RIC1: variants seen among roughly 807,000 people sequenced by gnomAD.
The protein encoded by RIC1 is RIC1 partner of RAB6A GEF complex.
A neutral mutation model predicts 169.0 loss-of-function variants in RIC1; 88 were observed. That is an observed-to-expected ratio of 0.52 (90% CI 0.44 to 0.62). RIC1 has a LOEUF of 0.62. Ranked by LOEUF, RIC1 falls within the 20% of genes least tolerant of loss-of-function variation. The pLI is 0.00. For missense variants in RIC1, 1,877 were observed against 1,725.5 expected (o/e 1.09, Z -1.56); for synonymous variants, 790 against 601.5 (o/e 1.31, Z -4.59).
At chr9:5,761,105 T>G (rs1047917713) in intron 17 of RIC1, among the ~76,000 whole-genome samples, 1 of 54,954 alleles carries the variant, frequency 1.8e-5, no homozygotes, top group South Asian at 1.0e-3. Context: ...CAGCCTCACC[T>G]TTTTTTTTTT....
intron 1 of RIC1, among the ~76,000 whole-genome samples, chr9:5,643,507 CA>C (rs1007783837): frequency 6.7e-6 from 1 of 150,238 alleles, no homozygotes; most frequent in South Asian, 2.1e-4. Flanking sequence ...AACCCTTTCT[CA>C]AAAAAAAAGT....
At chr9:5,689,271 T>G (rs1315486251) in intron 2 of RIC1, among the ~76,000 whole-genome samples, 1 of 152,036 alleles carries the variant, frequency 6.6e-6, no homozygotes, top group Non-Finnish European at 1.5e-5. Context: ...CAGAATGGTC[T>G]TGATCTCCTG....
At chr9:5,654,846 C>A (rs914591659) in intron 1 of RIC1, among the ~76,000 whole-genome samples, 1 of 152,168 alleles carries the variant, frequency 6.6e-6, no homozygotes, top group Non-Finnish European at 1.5e-5. Flanking sequence ...AGCTACTGCG[C>A]CTGGCCTGCA....
chr9:5,752,903 G>T (rs1007073064), intron 12 of RIC1, among the ~76,000 whole-genome samples: 1 of 152,102 alleles, frequency 6.6e-6, no homozygotes, highest in Admixed American at 6.5e-5. Context: ...GCCCTCACAG[G>T]TGCCTTCTCT....
chr9:5,639,915 C>T (rs981666754), intron 1 of RIC1, among the ~76,000 whole-genome samples: 1 of 152,146 alleles, frequency 6.6e-6, no homozygotes, highest in Non-Finnish European at 1.5e-5. Flanking sequence ...TTTCCATTGG[C>T]ATGTAATATC....
At chr9:5,736,869 G>GCTA (rs1257643532) in intron 7 of RIC1, among the ~76,000 whole-genome samples, 3 of 151,926 alleles carry the variant, frequency 2.0e-5, no homozygotes, top group African/African-American at 7.3e-5. Context: ...CTTTAAGGAG[G>GCTA]CTACTATTGC....
intron 2 of RIC1, among the ~76,000 whole-genome samples, chr9:5,688,373 T>C (rs1245950963): frequency 6.6e-6 from 1 of 152,174 alleles, no homozygotes; most frequent in African/African-American, 2.4e-5. Flanking sequence ...TTCTTATCTC[T>C]CAAGGATGAC....
At chr9:5,767,287 T>C (rs891573479) in intron 21 of RIC1, among the ~76,000 whole-genome samples, 1 of 152,242 alleles carries the variant, frequency 6.6e-6, no homozygotes, top group African/African-American at 2.4e-5. Context: ...AATTGTATGC[T>C]GGAGACTGAA....
At chr9:5,686,341 G>A (rs1298908859) in intron 2 of RIC1, among the ~76,000 whole-genome samples, 4 of 151,986 alleles carry the variant, frequency 2.6e-5, no homozygotes, top group African/African-American at 9.7e-5. Flanking sequence ...TGTTTATTGT[G>A]GCACTATTCA....
chr9:5,749,688 T>C (rs1301696681), intron 12 of RIC1, among the ~76,000 whole-genome samples: 12 of 151,732 alleles, frequency 7.9e-5, no homozygotes, highest in Admixed American at 4.6e-4. Context: ...ATGTTACTTA[T>C]GATTTTTCTT....
At chr9:5,656,391 A>G (rs1478380709) in intron 1 of RIC1, among the ~76,000 whole-genome samples, 192 bp from the exon 2 acceptor site, 2 of 152,148 alleles carry the variant, frequency 1.3e-5, no homozygotes, top group Admixed American at 6.6e-5. Context: ...TTCTTTAATA[A>G]TACAGGCGTA....
At chr9:5,704,906 A>C (rs191321281) in intron 3 of RIC1, among the ~76,000 whole-genome samples, 1 of 152,302 alleles carries the variant, frequency 6.6e-6, no homozygotes, top group Admixed American at 6.5e-5. Flanking sequence ...CAGTTGTCTT[A>C]GTACAGAGAA....
chr9:5,676,234 T>C (rs1820433248), intron 2 of RIC1, among the ~76,000 whole-genome samples: 1 of 152,202 alleles, frequency 6.6e-6, no homozygotes, highest in African/African-American at 2.4e-5. Flanking sequence ...GCAAACTTTC[T>C]AGGTAACCAA....
chr9:5,747,568 T>C, intron 12 of RIC1, 63 bp downstream of exon 12: 3 of 1,371,494 alleles, frequency 2.2e-6, no homozygotes, highest in Non-Finnish European at 3.1e-6. Context: ...CTGGAACAGA[T>C]TATTAAATAT....
chr9:5,661,628 G>C (rs934422112), intron 2 of RIC1, among the ~76,000 whole-genome samples: 2 of 152,012 alleles, frequency 1.3e-5, no homozygotes, highest in Non-Finnish European at 2.9e-5. Context: ...TGATTTGGCT[G>C]TCTGCTTGCC....
At position 5,738,463 on chromosome 9, in the gene RIC1, G is replaced by T. The variant is rs757044532; in HGVS notation, c.826G>T (p.Val276Phe). ...TTGTTTTCACAGTGGTTCTGTGCAG[G>T]TCTATACAATAGATAACAGCACTGG... The part of the protein sequence containing the change: ...AFGCVSGSVQ[V>F]YTIDNSTGAM... The change falls in exon 8 of 26, where the codon GTC (valine) becomes TTC (phenylalanine). Residue 276 changes from valine to phenylalanine, a missense_variant. Around this residue, in one of 3 missense-constraint regions of RIC1, gnomAD observed 1,104 missense variants for 992.0 expected, o/e 1.11. Coordinates refer to ENST00000414202, the MANE Select transcript of RIC1 (RefSeq NM_020829.4). 6.2e-7 allele frequency: 1 copy of T among 1,602,118 alleles called. No homozygotes were observed. Among genetic ancestry groups the T allele is most frequent in the South Asian group, 1.1e-5 (1 of 88,508 alleles).
rs767413293 is a variant in RIC1 at position 5,656,629 on chromosome 9, C to G, written c.191C>G (p.Thr64Ser). Residue 64 changes from threonine (T) to serine (S), a missense_variant, in exon 2 of 26, where the codon ACT (threonine) becomes AGT (serine). Thr to Ser is a moderately conservative substitution (Grantham distance 58). This residue lies in a region of RIC1 where 1,104 missense variants were observed against 992.0 expected (regional missense o/e 1.11). Transcript: ENST00000414202. Reference sequence around the variant, plus strand: ...TACAAGGAGCCTGCAAAATCATCTACTCAGTTTGGATCCTACAAGCAAGCT... The same window carrying G: ...TACAAGGAGCCTGCAAAATCATCTAGTCAGTTTGGATCCTACAAGCAAGCT... ...VTYKEPAKSS[T>S]QFGSYKQAEW... The G allele has an allele frequency of 8.1e-6, 13 of 1,609,688 alleles. No individual in the cohort carries two copies. The South Asian group carries it at 1.1e-4, about 14-fold the overall frequency.
intron 12 of RIC1, among the ~76,000 whole-genome samples, chr9:5,747,870 C>A (rs1376959856): frequency 2.6e-5 from 4 of 152,128 alleles, no homozygotes; most frequent in Admixed American, 2.0e-4. Context: ...AAAGTGGCAA[C>A]ATCAGCTAGT....
At chr9:5,709,904 GT>G (rs1822834002) in intron 3 of RIC1, among the ~76,000 whole-genome samples, 1 of 152,114 alleles carries the variant, frequency 6.6e-6, no homozygotes, top group African/African-American at 2.4e-5. Flanking sequence ...TAATACTTTA[GT>G]TGTAATAAAT....
Sources: allele counts gnomAD v4.1 joint callset (sites outside exome capture counted in the v4.1 genomes callset), GRCh38; gene constraint gnomAD v4.1.1; regional missense constraint gnomAD v4.1.1; transcripts MANE v1.5; gene names NCBI Gene and HGNC (gene_info 2026-07-23, HGNC 2026-07-21).